The following AGBL4 variants were observed in gnomAD, a reference collection of about 807,000 sequenced individuals.
AGBL4 encodes cytosolic carboxypeptidase 6.
AGBL4 carries 58 observed loss-of-function variants against 66.4 expected under a neutral mutation model. The observed-to-expected ratio is 0.87, with a 90% CI of 0.71 to 1.09. The LOEUF is 1.09. AGBL4 is among the 50% of genes least tolerant of loss of function. The pLI, the probability that AGBL4 is intolerant of heterozygous loss-of-function variation, is 0.00. For synonymous variants in AGBL4, 234 were observed against 222.9 expected, an observed-to-expected ratio of 1.05 and a Z score of -0.44; for missense variants, 579 against 631.0, an observed-to-expected ratio of 0.92 and a Z score of 0.88.
Position 49,662,214 on chromosome 1 carries a change from G to A in AGBL4, c.282+35099C>T, listed in dbSNP as rs961081483. On this transcript the variant is annotated intron_variant, in intron 3 of 13. Transcript: ENST00000371839. ...ACAGTCTCACAGAATATATATATATGTATATATATAACACATACATACATT... is the reference window on the plus strand; with the variant it reads ...ACAGTCTCACAGAATATATATATATATATATATATAACACATACATACATT... Among the ~76,000 whole-genome samples, 4 of 150,290 alleles carry A rather than the reference G, an allele frequency of 2.7e-5. No individual in the cohort carries two copies. The South Asian group carries it at 8.4e-4, about 31-fold the overall frequency.
At chr1:48,721,175 T>C (rs1444823769) in intron 6 of AGBL4, among the ~76,000 whole-genome samples, 2 of 151,986 alleles carry the variant, frequency 1.3e-5, no homozygotes, top group African/African-American at 4.8e-5. Flanking sequence ...CAGAAAATCA[T>C]TTAAATTGAG....
chr1:49,755,326 GA>G (rs541118929), intron 2 of AGBL4, among the ~76,000 whole-genome samples: 4 of 151,180 alleles, frequency 2.6e-5, no homozygotes, highest in South Asian at 2.1e-4. Flanking sequence ...CCACTTTAAA[GA>G]AAAAAAAATC....
chr1:48,727,981 A>C, intron 6 of AGBL4: 1 of 1,612,516 alleles, frequency 6.2e-7, no homozygotes, highest in Non-Finnish European at 8.5e-7. Flanking sequence ...TTGACTTTGG[A>C]GAGTCTCTGT....
At chr1:49,466,933 GATAA>G (rs1183941848) in intron 3 of AGBL4, among the ~76,000 whole-genome samples, 1 of 151,768 alleles carries the variant, frequency 6.6e-6, no homozygotes, top group Non-Finnish European at 1.5e-5. Context: ...TCAGTGGCAA[GATAA>G]TTCTAAGAGA....
chr1:48,736,503 G>T lies in AGBL4; in HGVS notation c.635-73262C>A. ...CTGTTTAGTCCGACAGGAGGGCAGTGGGAGGCTTCTCTTGTCCTTTAAAAA... is the reference window on the plus strand; with the variant it reads ...CTGTTTAGTCCGACAGGAGGGCAGTTGGAGGCTTCTCTTGTCCTTTAAAAA... On this transcript the variant is annotated intron_variant, in intron 6 of 13. Coordinates refer to ENST00000371839, the MANE Select transcript of AGBL4 (RefSeq NM_032785.4). The surrounding 1 kb of genome is among the most constrained non-coding windows in gnomAD (Gnocchi z 4.0). 1 of 1,502,478 alleles carries T rather than the reference G, an allele frequency of 6.7e-7. No homozygotes were observed. Among genetic ancestry groups the T allele is most frequent in the Non-Finnish European group, 9.2e-7 (1 of 1,083,020 alleles). The allele number at this position is 1,502,478 out of a possible 1,614,324, so 93.1% of individuals were successfully genotyped here. A position where few individuals can be genotyped will look rare whatever the true frequency, so the allele number is the denominator to read the frequency against.
At chr1:48,812,915 A>T (rs1646086649) in intron 6 of AGBL4, among the ~76,000 whole-genome samples, 1 of 151,762 alleles carries the variant, frequency 6.6e-6, no homozygotes, top group Non-Finnish European at 1.5e-5. Flanking sequence ...AACAATGAGA[A>T]CACATGGACA....
At chr1:49,690,722 G>A (rs1646870667) in intron 3 of AGBL4, among the ~76,000 whole-genome samples, 1 of 152,112 alleles carries the variant, frequency 6.6e-6, no homozygotes, top group Admixed American at 6.5e-5. Context: ...GAGCAAATGA[G>A]AACCTGTGTT....
At chr1:49,515,978 T>G (rs1649776705) in intron 3 of AGBL4, among the ~76,000 whole-genome samples, 1 of 151,230 alleles carries the variant, frequency 6.6e-6, no homozygotes, top group African/African-American at 2.4e-5. Flanking sequence ...ACATGGCACA[T>G]GTATACATCT....
chr1:49,302,331 C>T (rs928692456), intron 3 of AGBL4, among the ~76,000 whole-genome samples: 1 of 151,762 alleles, frequency 6.6e-6, no homozygotes, highest in Non-Finnish European at 1.5e-5. Flanking sequence ...TGGCTCAATG[C>T]AACCTCTGCC....
intron 4 of AGBL4, among the ~76,000 whole-genome samples, chr1:49,221,580 C>T (rs1430661360): frequency 6.6e-6 from 1 of 152,178 alleles, no homozygotes; most frequent in East Asian, 1.9e-4. Context: ...CCTTGCATCG[C>T]ATTTCACCGT....
intron 1 of AGBL4, among the ~76,000 whole-genome samples, chr1:49,872,595 G>A (rs146435347): frequency 9.4e-4 from 143 of 152,194 alleles, no homozygotes; most frequent in African/African-American, 3.3e-3. Flanking sequence ...GGTATCTGCA[G>A]GCACAGATAA....
chr1:48,919,249 A>T (rs1653881564), intron 5 of AGBL4, among the ~76,000 whole-genome samples: 1 of 152,180 alleles, frequency 6.6e-6, no homozygotes, highest in African/African-American at 2.4e-5. Context: ...AATTACATTC[A>T]AAGCCCATAG....
intron 5 of AGBL4, among the ~76,000 whole-genome samples, chr1:48,892,294 G>A (rs962939906): frequency 6.6e-6 from 1 of 152,078 alleles, no homozygotes; most frequent in Admixed American, 6.5e-5. Context: ...CTGAATTTAG[G>A]GCCAACCCGA....
chr1:49,482,854 AT>A (rs1646985237), intron 3 of AGBL4, among the ~76,000 whole-genome samples: 1 of 152,128 alleles, frequency 6.6e-6, no homozygotes, highest in East Asian at 1.9e-4. Flanking sequence ...GAACTTCTTG[AT>A]TTCTATTTTA....
intron 8 of AGBL4, among the ~76,000 whole-genome samples, chr1:48,636,441 A>G (rs1470178738): frequency 1.3e-5 from 2 of 152,320 alleles, no homozygotes; most frequent in Non-Finnish European, 1.5e-5. Flanking sequence ...TACAGAGGAG[A>G]AAACAAAGGC....
chr1:49,761,492 G>C lies in AGBL4; in HGVS notation c.158-64055C>G, dbSNP rs908355316. Among the ~76,000 whole-genome samples the C allele has an allele frequency of 5.3e-5, 8 of 152,258 alleles. No homozygotes were observed. In the East Asian group the frequency reaches 1.5e-3, roughly 29 times the overall value. ...CAGCCCTGGCTCTGGCCACCACCTA[G>C]CTTTGAGACCTTCGTTAGTCTCTTC... On this transcript the variant is annotated intron_variant, in intron 2 of 13. Transcript: ENST00000371839.
intron 1 of AGBL4, among the ~76,000 whole-genome samples, chr1:50,007,825 C>T (rs1039403655): frequency 2.0e-5 from 3 of 151,832 alleles, no homozygotes; most frequent in Non-Finnish European, 2.9e-5. Flanking sequence ...TGAAAATAAA[C>T]GGATGAAAAA....
At chr1:48,733,391 G>A (rs1208500556) in intron 6 of AGBL4, among the ~76,000 whole-genome samples, 1 of 152,206 alleles carries the variant, frequency 6.6e-6, no homozygotes, top group Non-Finnish European at 1.5e-5. Context: ...ACATAGTTAA[G>A]TCTGTAGGTG....
At chr1:50,021,051 A>C (rs1307858960) in intron 1 of AGBL4, among the ~76,000 whole-genome samples, 2 of 152,218 alleles carry the variant, frequency 1.3e-5, no homozygotes, top group Non-Finnish European at 2.9e-5. Flanking sequence ...TGCCTAAATG[A>C]CCTGGCTTTT....
Sources: allele counts gnomAD v4.1 joint callset (sites outside exome capture counted in the v4.1 genomes callset), GRCh38; gene constraint gnomAD v4.1.1; non-coding constraint Gnocchi (gnomAD v3.1); transcripts MANE v1.5; gene names NCBI Gene and HGNC (gene_info 2026-07-23, HGNC 2026-07-21).